The following ROBO1 variants were observed in gnomAD, a reference collection of about 807,000 sequenced individuals.
ROBO1 encodes the protein roundabout guidance receptor 1.
In ROBO1, 149 loss-of-function variants were observed where a neutral mutation model predicts 195.9. The observed-to-expected ratio is 0.76, with a 90% CI of 0.67 to 0.87. The LOEUF (loss-of-function observed/expected upper bound fraction) is 0.87, where lower values mean the gene tolerates loss of function less well. Ranked by LOEUF, ROBO1 falls within the 40% of genes least tolerant of loss-of-function variation. The pLI, the probability that ROBO1 is intolerant of heterozygous loss-of-function variation, is 0.00. For missense variants in ROBO1, 1,933 were observed against 2,068.3 expected, an observed-to-expected ratio of 0.93 and a Z score of 1.27; for synonymous variants, 816 against 733.2, an observed-to-expected ratio of 1.11 and a Z score of -1.82.
chr3:78,837,176 C>A (rs2032812257), intron 4 of ROBO1, among the ~76,000 whole-genome samples: 1 of 152,116 alleles, frequency 6.6e-6, no homozygotes, highest in Admixed American at 6.5e-5. Flanking sequence ...AATTAAAAAT[C>A]ATTTAATCAT....
chr3:79,325,871 C>T lies in ROBO1; in HGVS notation c.89-200332G>A, dbSNP rs138216163. ...AAACTCTGACCACCGGTGAGCTGGG[C>T]GGAACAGAGCCATATTTCTCTTCTT... On this transcript the variant is annotated intron_variant, in intron 2 of 30. Coordinates refer to ENST00000464233, the MANE Select transcript of ROBO1 (RefSeq NM_002941.4). Among the ~76,000 whole-genome samples, 387 of 152,142 alleles carry T rather than the reference C, an allele frequency of 2.5e-3. 9 individuals are homozygous for T. In the East Asian group the frequency reaches 0.057, roughly 23 times the overall value.
At chr3:79,230,977 C>G (rs970253468) in intron 2 of ROBO1, among the ~76,000 whole-genome samples, 26 of 152,086 alleles carry the variant, frequency 1.7e-4, no homozygotes, top group Admixed American at 6.6e-5. Context: ...GGAAAGTATT[C>G]CCTTTTCAAT....
At chr3:79,357,683 G>C (rs972371543) in intron 2 of ROBO1, among the ~76,000 whole-genome samples, 1 of 152,222 alleles carries the variant, frequency 6.6e-6, no homozygotes, top group South Asian at 2.1e-4. Flanking sequence ...AGGTGGTTTG[G>C]AGAGAACATA....
At chr3:78,743,704 A>C (rs1374689492) in intron 5 of ROBO1, among the ~76,000 whole-genome samples, 1 of 152,184 alleles carries the variant, frequency 6.6e-6, no homozygotes, top group Non-Finnish European at 1.5e-5. Flanking sequence ...AAAGTTCTAC[A>C]CATAACTCAG....
rs1486747597 is a variant in ROBO1, at chr3:79,502,186, C to G, written c.88+87638G>C. 2.0e-5 allele frequency among the ~76,000 whole-genome samples: 3 copies of G among 152,234 alleles called. No individual in the cohort carries two copies. The East Asian group carries it at 5.8e-4, about 29-fold the overall frequency. On this transcript the variant is annotated intron_variant, in intron 2 of 30. Coordinates refer to ENST00000464233, the MANE Select transcript of ROBO1 (RefSeq NM_002941.4). ...TGAGGAACCCTTCAGCCCGCCGCTGCACTGTGGGAGCCCCTTTCTGGGCGG... is the reference window on the plus strand; with the variant it reads ...TGAGGAACCCTTCAGCCCGCCGCTGGACTGTGGGAGCCCCTTTCTGGGCGG...
At chr3:79,685,840 A>G (rs528582307) in intron 1 of ROBO1, among the ~76,000 whole-genome samples, 21 of 152,210 alleles carry the variant, frequency 1.4e-4, no homozygotes, top group Non-Finnish European at 2.8e-4. Flanking sequence ...CAATCAATAG[A>G]AAAAGAGGGA....
chr3:79,083,528 A>G (rs556338756), intron 3 of ROBO1, among the ~76,000 whole-genome samples: 1 of 152,318 alleles, frequency 6.6e-6, no homozygotes, highest in South Asian at 2.1e-4. Flanking sequence ...TGAAATAATA[A>G]CAAACCAGGG....
intron 2 of ROBO1, among the ~76,000 whole-genome samples, chr3:79,211,681 CTT>C (rs950239804): frequency 6.6e-6 from 1 of 152,176 alleles, no homozygotes; most frequent in Non-Finnish European, 1.5e-5. Context: ...TGAAAAATAA[CTT>C]TACCAAAGGC....
At chr3:78,998,315 G>A (rs1308233094) in intron 3 of ROBO1, among the ~76,000 whole-genome samples, 5 of 152,048 alleles carry the variant, frequency 3.3e-5, no homozygotes, top group Non-Finnish European at 5.9e-5. Context: ...AATAACGACG[G>A]CAAAAGTAGG....
At chr3:79,289,240 C>G (rs2032088428) in intron 2 of ROBO1, among the ~76,000 whole-genome samples, 1 of 152,056 alleles carries the variant, frequency 6.6e-6, no homozygotes, top group Non-Finnish European at 1.5e-5. Flanking sequence ...CCATTTGTCT[C>G]AATTTCAAGA....
In ROBO1 at chr3:79,144,623, C is replaced by T. The variant is rs576322186; in HGVS notation, c.89-19084G>A. 2.4e-4 allele frequency among the ~76,000 whole-genome samples: 36 copies of T among 151,958 alleles called. No individual in the cohort carries two copies. The South Asian group carries it at 6.4e-3, about 27-fold the overall frequency. On this transcript the variant is annotated intron_variant, in intron 2 of 30. Coordinates refer to ENST00000464233, the MANE Select transcript of ROBO1 (RefSeq NM_002941.4). ...TGAAGAATACTAGAGCTTTGTAGGT[C>T]CTTTAGAAACACTGAAATTAGTTTT...
At chr3:79,402,114 C>T (rs1448612166) in intron 2 of ROBO1, among the ~76,000 whole-genome samples, 4 of 151,520 alleles carry the variant, frequency 2.6e-5, no homozygotes, top group Admixed American at 2.0e-4. Flanking sequence ...CAAAATACAA[C>T]GTAATTTTCT....
chr3:78,799,374 C>G (rs1410455516), intron 4 of ROBO1, among the ~76,000 whole-genome samples: 4 of 152,036 alleles, frequency 2.6e-5, no homozygotes, highest in South Asian at 2.1e-4. Context: ...CGGAGTCTCG[C>G]TCTGTCGCCC....
At chr3:78,980,480 A>G (rs1264617146) in intron 3 of ROBO1, among the ~76,000 whole-genome samples, 1 of 152,236 alleles carries the variant, frequency 6.6e-6, no homozygotes, top group African/African-American at 2.4e-5. Context: ...CCATTTTAAT[A>G]AAGCATTCTT....
At chr3:78,669,386 C>A (rs573437922) in intron 11 of ROBO1, among the ~76,000 whole-genome samples, 1 of 152,302 alleles carries the variant, frequency 6.6e-6, no homozygotes, top group African/African-American at 2.4e-5. Flanking sequence ...ATCCAATACT[C>A]CAAAGGAACC....
intron 4 of ROBO1, among the ~76,000 whole-genome samples, chr3:78,816,079 G>A (rs560867908): frequency 3.9e-5 from 6 of 152,276 alleles, no homozygotes; most frequent in Admixed American, 2.6e-4. Flanking sequence ...AGAGATGACA[G>A]TGCCTGGCTT....
chr3:78,719,488 T>TACAG (rs1214534129), intron 5 of ROBO1, among the ~76,000 whole-genome samples: 22 of 133,114 alleles, frequency 1.7e-4, no homozygotes, highest in Non-Finnish European at 2.9e-4. Context: ...CACATGCATA[T>TACAG]ATATACACAT....
chr3:78,925,626 A>C (rs2039168368), intron 4 of ROBO1, among the ~76,000 whole-genome samples: 1 of 152,306 alleles, frequency 6.6e-6, no homozygotes, highest in Middle Eastern at 3.4e-3. Context: ...TTTATTGACA[A>C]AAAATTAATA....
chr3:78,678,693 A>G (rs1013808277), intron 10 of ROBO1, among the ~76,000 whole-genome samples: 1 of 152,304 alleles, frequency 6.6e-6, no homozygotes, highest in East Asian at 1.9e-4. Context: ...ATAGCTTACC[A>G]ACCAAAAAGA....
Sources: allele counts gnomAD v4.1 joint callset (sites outside exome capture counted in the v4.1 genomes callset), GRCh38; gene constraint gnomAD v4.1.1; transcripts MANE v1.5; gene names NCBI Gene and HGNC (gene_info 2026-07-23, HGNC 2026-07-21).